CHD2: variants seen among roughly 807,000 people sequenced by gnomAD.
The protein encoded by CHD2 is chromodomain helicase DNA binding protein 2, also known as ATP-dependent chromatin remodeler CHD2.
In CHD2, 28 loss-of-function variants were observed where a neutral mutation model predicts 243.9. The ratio of observed to expected loss-of-function variants is 0.11; its 90% CI spans 0.09 to 0.16. The LOEUF is 0.16. Ranked by LOEUF, CHD2 falls within the 10% of genes least tolerant of loss-of-function variation. The pLI is 1.00. For synonymous variants in CHD2, 775 were observed against 779.0 expected (o/e 0.99, Z 0.09); for missense variants, 1,386 against 2,209.8 (o/e 0.63, Z 7.47).
At chr15:92,919,757 C>A (rs993135721) in intron 2 of CHD2, among the ~76,000 whole-genome samples, 3 of 152,148 alleles carry the variant, frequency 2.0e-5, no homozygotes, top group Admixed American at 2.0e-4. Flanking sequence ...GATGTACTTG[C>A]CGCCCTTGGT....
Position 92,933,070 on chromosome 15 carries a change from A to G in CHD2, c.443+3979A>G, listed in dbSNP as rs145912867. Among the ~76,000 whole-genome samples, 1,172 of 145,890 alleles carry G rather than the reference A, an allele frequency of 8.0e-3. 55 individuals carry two copies. Among genetic ancestry groups the G allele is most frequent in the Admixed American group, 0.069 (1,011 of 14,610 alleles). On this transcript the variant is annotated intron_variant, in intron 5 of 38. Transcript: ENST00000394196. ...TTTTTTTTTTTTTTTTAAGTTAAAG[A>G]GACAGGGTCTTCCTCTATTGGTGCA...
At chr15:92,942,048 T>C (rs2053389980) in intron 8 of CHD2, 93 bp downstream of exon 8, 5 of 1,212,348 alleles carry the variant, frequency 4.1e-6, no homozygotes, top group Non-Finnish European at 5.9e-6. Flanking sequence ...AATTTTAGTC[T>C]ACTGCTGTAT....
At chr15:92,986,561 A>G (rs1322126579) in intron 26 of CHD2, among the ~76,000 whole-genome samples, 1 of 152,198 alleles carries the variant, frequency 6.6e-6, no homozygotes, top group East Asian at 1.9e-4. Flanking sequence ...TTGAATTTGT[A>G]GCCAAAATTG....
At position 92,955,423 on chromosome 15, in the gene CHD2, A is replaced by G; in HGVS notation, c.1720A>G (p.Ile574Val). Residue 574 changes from isoleucine (I) to valine (V), a missense_variant and splice_region_variant, in exon 15 of 39, where the codon ATA (isoleucine) becomes GTA (valine). Physicochemically the swap from Ile to Val is conservative, Grantham distance 29. Coordinates refer to ENST00000394196, the MANE Select transcript of CHD2 (RefSeq NM_001271.4). ...TCTTAATTATGTTTTTTTCTTATAG[A>G]TACGGGAATATGAATGGATTCATTC... ...YIGDLMSRNT[I>V]REYEWIHSQT... 1 of 1,565,398 alleles carries G rather than the reference A, an allele frequency of 6.4e-7. No homozygotes were observed. The highest frequency in any genetic ancestry group is 1.2e-5 in the South Asian group (1 of 83,432).
chr15:93,014,599 G>A (rs1202909954), intron 36 of CHD2, 97 bp from the exon 37 acceptor site: 2 of 1,061,840 alleles, frequency 1.9e-6, no homozygotes, highest in East Asian at 4.8e-5. Flanking sequence ...AGTTTAAGAA[G>A]GACAAGAAGG....
chr15:92,937,447 G>T, intron 5 of CHD2, 71 bp from the exon 6 acceptor site: 1 of 1,109,532 alleles, frequency 9.0e-7, no homozygotes, highest in Non-Finnish European at 1.3e-6. Context: ...AATTGAAATT[G>T]GTTTTGTCGG....
rs1160960935 is a variant in CHD2 at position 92,911,139 on chromosome 15, G to A, written c.62+9840G>A. On this transcript the variant is annotated intron_variant, in intron 2 of 38. Coordinates refer to ENST00000394196, the MANE Select transcript of CHD2 (RefSeq NM_001271.4). ...TGTAACTTTGCATTTTAATTAAATA[G>A]CAAGTCAGTAGGCGAAATGATTGTG... 3.9e-5 allele frequency among the ~76,000 whole-genome samples: 6 copies of A among 152,176 alleles called. No homozygotes were observed. The East Asian group carries it at 9.6e-4, about 24-fold the overall frequency.
At chr15:92,942,198 G>T (rs1292739528) in intron 8 of CHD2, among the ~76,000 whole-genome samples, 1 of 152,170 alleles carries the variant, frequency 6.6e-6, no homozygotes, top group South Asian at 2.1e-4. Flanking sequence ...ATATAGCAGA[G>T]ATACCTGCTA....
At chr15:92,909,382 G>T (rs2052685577) in intron 2 of CHD2, among the ~76,000 whole-genome samples, 1 of 152,164 alleles carries the variant, frequency 6.6e-6, no homozygotes, top group Non-Finnish European at 1.5e-5. Context: ...AAATACAAAA[G>T]AATGTGGTAA....
chr15:92,964,938 T>C (rs2053737338), intron 16 of CHD2, among the ~76,000 whole-genome samples: 1 of 152,226 alleles, frequency 6.6e-6, no homozygotes, highest in Admixed American at 6.5e-5. Context: ...TTAATTTTTT[T>C]TGCACTTTTC....
chr15:92,934,693 C>T (rs2053234116), intron 5 of CHD2, among the ~76,000 whole-genome samples: 2 of 152,182 alleles, frequency 1.3e-5, no homozygotes, highest in Non-Finnish European at 2.9e-5. Flanking sequence ...TTTTTCACTT[C>T]ACCCATTCTT....
In CHD2 at chr15:93,020,178, C is replaced by G; in HGVS notation, c.5073C>G (p.Pro1691=). The G allele has an allele frequency of 6.2e-7, 1 of 1,614,062 alleles. No individual in the cohort carries two copies. The highest frequency in any genetic ancestry group is 8.5e-7 in the Non-Finnish European group (1 of 1,180,012). Residue 1691 remains proline, a synonymous_variant, in exon 38 of 39, where the codon CCC becomes CCG. Transcript: ENST00000394196. ...MDAHRSGSYR[P]NNMSRKRPYD... is the part of the protein sequence containing the mutation. The stretch of plus-strand genomic sequence containing the variant: ...CCCACCGTTCCGGAAGCTATCGACC[C>G]AACAACATGTCCAGAAAGAGGCCTT...
chr15:92,944,757 C>G (rs1452227506), intron 10 of CHD2: 1 of 233,210 alleles, frequency 4.3e-6, no homozygotes, highest in African/African-American at 2.2e-5. Context: ...GTACCATTTA[C>G]CGAAGTGGAA....
chr15:93,009,414 T>TAAGATGAAAAA (rs2054362464), intron 35 of CHD2, 91 bp downstream of exon 35: 1 of 1,287,080 alleles, frequency 7.8e-7, no homozygotes, highest in African/African-American at 1.5e-5. Context: ...CATAGCCACC[T>TAAGATGAAAAA]AAGAAATCTT....
intron 20 of CHD2, among the ~76,000 whole-genome samples, chr15:92,977,366 CTA>C (rs779543170): frequency 7.9e-5 from 12 of 152,294 alleles, no homozygotes; most frequent in African/African-American, 2.4e-4. Flanking sequence ...CATTGCATCT[CTA>C]TGTGTATGCT....
Position 92,972,323 on chromosome 15 carries a change from G to A in CHD2, c.2411G>A (p.Arg804Gln). The A allele has an allele frequency of 6.2e-7, 1 of 1,612,924 alleles. No individual in the cohort carries two copies. The highest frequency in any genetic ancestry group is 8.5e-7 in the Non-Finnish European group (1 of 1,179,486). The stretch of plus-strand genomic sequence containing the variant: ...TTAGACAAACTGTTGACAAGACTTC[G>A]AGAAAGGGGGAATCGAGTGCTTATC... ...ILLDKLLTRLRERGNRVLIFS... is the reference protein window; with the variant it reads ...ILLDKLLTRLQERGNRVLIFS... The change falls in exon 19 of 39, where the codon CGA (arginine) becomes CAA (glutamine). Residue 804 changes from arginine (R) to glutamine (Q), a missense_variant. This residue lies in a region of CHD2 where 118 missense variants were observed against 266.3 expected (regional missense o/e 0.44). Coordinates refer to ENST00000394196, the MANE Select transcript of CHD2 (RefSeq NM_001271.4).
At chr15:92,917,761 A>G (rs17648415) in intron 2 of CHD2, among the ~76,000 whole-genome samples, 33,873 of 152,148 alleles carry the variant, frequency 0.22, 4,463 homozygotes, top group East Asian at 0.58. Context: ...TGCATAATTC[A>G]GACTGTGGGG....
chr15:92,949,134 G>C lies in CHD2; in HGVS notation c.1502+58G>C. The C allele has an allele frequency of 2.5e-6, 4 of 1,580,086 alleles. No homozygotes were observed. The South Asian group carries it at 3.6e-5, about 14-fold the overall frequency. On this transcript the variant is annotated intron_variant, in intron 13 of 38. Coordinates refer to ENST00000394196, the MANE Select transcript of CHD2 (RefSeq NM_001271.4). ...ACTGTTTCTGGCTTCTTTATTGTTA[G>C]ATGTCAAGAATTTTTTTTTTCTTTT... is the stretch of plus-strand genomic sequence containing the variant.
At chr15:92,961,876 C>CCTTTT (rs768968212) in intron 16 of CHD2, among the ~76,000 whole-genome samples, 2 of 78,626 alleles carry the variant, frequency 2.5e-5, no homozygotes, top group African/African-American at 4.8e-5. Context: ...TTTTTCTTCT[C>CCTTTT]TTTTTTTTTT....
Sources: allele counts gnomAD v4.1 joint callset (sites outside exome capture counted in the v4.1 genomes callset), GRCh38; gene constraint gnomAD v4.1.1; regional missense constraint gnomAD v4.1.1; transcripts MANE v1.5; gene names NCBI Gene and HGNC (gene_info 2026-07-23, HGNC 2026-07-21).